The following EXD1 variants were observed in gnomAD, a reference collection of about 807,000 sequenced individuals.
EXD1 encodes exonuclease 3'-5' domain containing 1, also known as piRNA biogenesis protein EXD1.
Under a neutral mutation model 49.1 loss-of-function variants are expected in EXD1, and 63 were observed. That is an observed-to-expected ratio of 1.28 (90% CI 1.05 to 1.58). The LOEUF (loss-of-function observed/expected upper bound fraction) is 1.58. Ranked by LOEUF, EXD1 falls within the 40% of genes most tolerant of loss-of-function variation. The pLI is 0.00. For synonymous variants in EXD1, 234 were observed against 239.2 expected, an observed-to-expected ratio of 0.98 and a Z score of 0.20; for missense variants, 748 against 666.0, an observed-to-expected ratio of 1.12 and a Z score of -1.36.
intron 1 of EXD1, among the ~76,000 whole-genome samples, chr15:41,229,955 A>C (rs181296272): frequency 6.6e-6 from 1 of 152,282 alleles, no homozygotes. Flanking sequence ...TACTAACAGC[A>C]GTCAGAATTC....
At chr15:41,203,916 CAAAAAAAAAAAAAAAA>C (rs1187093511) in intron 7 of EXD1, among the ~76,000 whole-genome samples, 1 of 23,244 alleles carries the variant, frequency 4.3e-5, no homozygotes, top group Admixed American at 6.7e-4. Flanking sequence ...GACTTCTCCT[CAAAAAAAAAAAAAAAA>C]AAAAAAAAAA....
At chr15:41,190,463 GA>G in intron 10 of EXD1, 1 of 276,164 alleles carries the variant, frequency 3.6e-6, no homozygotes, top group Non-Finnish European at 7.1e-6. Flanking sequence ...CCTGGTGACA[GA>G]GCGAGACTCC....
At chr15:41,223,442 T>G (rs1240333385) in intron 2 of EXD1, among the ~76,000 whole-genome samples, 1 of 151,316 alleles carries the variant, frequency 6.6e-6, no homozygotes, top group Non-Finnish European at 1.5e-5. Flanking sequence ...TTTTCGGGGC[T>G]GGGTGTGGTG....
At chr15:41,194,944 A>G (rs1343179710) in intron 9 of EXD1, among the ~76,000 whole-genome samples, 1 of 152,224 alleles carries the variant, frequency 6.6e-6, no homozygotes, top group Non-Finnish European at 1.5e-5. Context: ...CTGCTCAAAA[A>G]TAATTGGCCA....
At chr15:41,197,719 T>A (rs1595434138) in intron 7 of EXD1, among the ~76,000 whole-genome samples, 1 of 151,640 alleles carries the variant, frequency 6.6e-6, no homozygotes, top group Middle Eastern at 3.4e-3. Context: ...AACCTCTGCC[T>A]CCCAGGTTCA....
At chr15:41,229,838 C>A (rs761204966) in intron 1 of EXD1, among the ~76,000 whole-genome samples, 2 of 152,134 alleles carry the variant, frequency 1.3e-5, no homozygotes, top group African/African-American at 2.4e-5. Flanking sequence ...TTGCAGGGAA[C>A]GTGTGGGGCC....
At chr15:41,220,307 G>C (rs938354985) in intron 2 of EXD1, among the ~76,000 whole-genome samples, 4 of 149,862 alleles carry the variant, frequency 2.7e-5, no homozygotes, top group African/African-American at 9.8e-5. Flanking sequence ...GTCTCGTTCT[G>C]TCACGTAGGC....
chr15:41,218,848 T>C (rs2047044629), intron 3 of EXD1, among the ~76,000 whole-genome samples: 1 of 152,204 alleles, frequency 6.6e-6, no homozygotes, highest in African/African-American at 2.4e-5. Flanking sequence ...TGGCTCTGGA[T>C]TGGCAGTCAT....
chr15:41,216,186 A>G (rs892007080), intron 5 of EXD1, among the ~76,000 whole-genome samples: 1 of 152,200 alleles, frequency 6.6e-6, no homozygotes, highest in African/African-American at 2.4e-5. Context: ...ACAATATTTT[A>G]TCTTAATTCA....
intron 7 of EXD1, among the ~76,000 whole-genome samples, chr15:41,196,251 A>G (rs1168456196): frequency 6.6e-6 from 1 of 151,498 alleles, no homozygotes; most frequent in Non-Finnish European, 1.5e-5. Context: ...AGTTCAAGCA[A>G]TTCTCCTGCC....
At chr15:41,187,248 C>T (rs2046425349) in intron 11 of EXD1, among the ~76,000 whole-genome samples, 1 of 151,936 alleles carries the variant, frequency 6.6e-6, no homozygotes, top group African/African-American at 2.4e-5. Context: ...CACCACCATG[C>T]CCAGCTAATT....
At chr15:41,225,704 G>A (rs898663853) in intron 2 of EXD1, among the ~76,000 whole-genome samples, 3 of 151,834 alleles carry the variant, frequency 2.0e-5, no homozygotes, top group Admixed American at 1.3e-4. Context: ...CCAACAGGCT[G>A]TGTTTTTGTA....
At chr15:41,222,710 G>A (rs2047107994) in intron 2 of EXD1, among the ~76,000 whole-genome samples, 4 of 149,578 alleles carry the variant, frequency 2.7e-5, no homozygotes, top group Non-Finnish European at 4.4e-5. Flanking sequence ...AGGCTGAGGC[G>A]GAAGGATCAC....
intron 11 of EXD1, among the ~76,000 whole-genome samples, chr15:41,187,259 T>A (rs922215998): frequency 1.4e-4 from 22 of 151,920 alleles, no homozygotes; most frequent in Non-Finnish European, 2.5e-4. Context: ...CCAGCTAATT[T>A]TTGTATTATT....
chr15:41,192,594 A>ATTT lies in EXD1; in HGVS notation c.721-1012_721-1010dup, dbSNP rs59054803. 4.6e-3 allele frequency among the ~76,000 whole-genome samples: 189 copies of ATTT among 40,858 alleles called. 42 individuals are homozygous for ATTT. The highest frequency in any genetic ancestry group is 9.6e-3 in the African/African-American group (129 of 13,482). 26.8% of individuals were successfully genotyped at this position (40,858 alleles called of 152,430 possible). ...ACAGGCGTGAACCACTGCGCCAGGC[A>ATTT]TTTTTTTTTTTTTTTTTTTTTTTTT... is the stretch of plus-strand genomic sequence containing the variant. On this transcript the variant is annotated intron_variant, in intron 9 of 11. Coordinates refer to ENST00000458580, the MANE Select transcript of EXD1 (RefSeq NM_001286441.2).
At chr15:41,186,470 C>CAAAAAAAAACAA (rs2046409487) in intron 11 of EXD1, among the ~76,000 whole-genome samples, 1 of 68,286 alleles carries the variant, frequency 1.5e-5, no homozygotes, top group Non-Finnish European at 2.7e-5. Context: ...GACTCTGTCT[C>CAAAAAAAAACAA]AAAAAAAAAA....
intron 1 of EXD1, among the ~76,000 whole-genome samples, chr15:41,229,112 C>T (rs760331133): frequency 1.3e-5 from 2 of 152,190 alleles, no homozygotes; most frequent in African/African-American, 2.4e-5. Flanking sequence ...AGCTCTTAGA[C>T]GGGCATATCC....
At chr15:41,213,902 C>T (rs1437593755) in intron 6 of EXD1, among the ~76,000 whole-genome samples, 1 of 152,130 alleles carries the variant, frequency 6.6e-6, no homozygotes, top group African/African-American at 2.4e-5. Context: ...GATTATATCT[C>T]AATAATGCTA....
intron 6 of EXD1, among the ~76,000 whole-genome samples, chr15:41,215,368 GA>G (rs1044906080): frequency 1.4e-4 from 22 of 151,738 alleles, no homozygotes; most frequent in Non-Finnish European, 2.2e-4. Flanking sequence ...GAATTAATAG[GA>G]AAAAAAATCA....
Sources: gnomAD v4.1 joint callset for allele counts (sites outside exome capture counted in the v4.1 genomes callset) on GRCh38, gnomAD v4.1.1 for gene constraint, MANE v1.5 for transcripts, NCBI Gene and HGNC (gene_info 2026-07-23, HGNC 2026-07-21) for gene names.